UBE2O: variants seen among roughly 807,000 people sequenced by gnomAD.
UBE2O encodes (E3-independent) E2 ubiquitin-conjugating enzyme.
In UBE2O, 15 loss-of-function variants were observed where a neutral mutation model predicts 125.8. The observed-to-expected ratio is 0.12, with a 90% CI of 0.08 to 0.18. The LOEUF (loss-of-function observed/expected upper bound fraction) is 0.18. UBE2O is among the 10% of genes least tolerant of loss of function. The pLI is 1.00. For synonymous variants in UBE2O, 708 were observed against 703.2 expected (o/e 1.01, Z -0.11); for missense variants, 1,280 against 1,723.6 (o/e 0.74, Z 4.56).
chr17:76,444,827 A>G (rs1400529071), intron 1 of UBE2O, among the ~76,000 whole-genome samples: 1 of 152,158 alleles, frequency 6.6e-6, no homozygotes, highest in East Asian at 1.9e-4. Flanking sequence ...TAAATAATAA[A>G]ACAGTCAGAG....
intron 1 of UBE2O, among the ~76,000 whole-genome samples, chr17:76,433,042 C>T (rs944486425): frequency 6.6e-6 from 1 of 152,088 alleles, no homozygotes; most frequent in Non-Finnish European, 1.5e-5. Context: ...AAATGCTAAA[C>T]ATAGATTTAC....
chr17:76,401,693 T>C (rs950302201), intron 5 of UBE2O: 4 of 171,708 alleles, frequency 2.3e-5, no homozygotes, highest in Admixed American at 1.8e-4. Flanking sequence ...CTGGCCAACA[T>C]GGTGAAACCT....
chr17:76,417,800 T>C (rs1237287373), intron 1 of UBE2O, among the ~76,000 whole-genome samples: 12 of 152,190 alleles, frequency 7.9e-5, no homozygotes, highest in Non-Finnish European at 1.6e-4. Flanking sequence ...TGTTTGATGC[T>C]GCATGGATGC....
chr17:76,398,316 G>A lies in UBE2O; in HGVS notation c.1964C>T (p.Thr655Ile). 1.2e-6 allele frequency: 2 copies of A among 1,614,182 alleles called. No homozygotes were observed. The highest frequency in any genetic ancestry group is 1.7e-6 in the Non-Finnish European group (2 of 1,180,030). Residue 655 changes from threonine (T) to isoleucine (I), a missense_variant, in exon 12 of 18, where the codon ACA (threonine) becomes ATA (isoleucine). Thr to Ile is a moderately conservative substitution (Grantham distance 89). This residue lies in a region of UBE2O where 210 missense variants were observed against 268.9 expected (regional missense o/e 0.78). Transcript: ENST00000319380. This position sits in a 1 kb window ranked among gnomAD's most constrained non-coding sequence, Gnocchi z 5.4. ...IADHPDFRFR[T>I]TDIVIRIGNT... ...GCCGATGCGGATGACGATGTCAGTT[G>A]TACGGAACCTAAAGTCAGGGTGGTC...
In UBE2O at chr17:76,400,879, T is replaced by C; in HGVS notation, c.894+132A>G. On this transcript the variant is annotated intron_variant, in intron 6 of 17. Coordinates refer to ENST00000319380, the MANE Select transcript of UBE2O (RefSeq NM_022066.4). The surrounding 1 kb of genome is among the most constrained non-coding windows in gnomAD (Gnocchi z 4.3). The stretch of plus-strand genomic sequence containing the variant: ...TGGGTTCCCTTTATCCCCAAAGCCC[T>C]TTGAGATCAACAGGGTCCAGATGCT... The C allele has an allele frequency of 8.6e-7, 1 of 1,157,642 alleles. No individual in the cohort carries two copies. Among genetic ancestry groups the C allele is most frequent in the Non-Finnish European group, 1.2e-6 (1 of 835,340 alleles). 71.7% of individuals were successfully genotyped at this position (1,157,642 alleles called of 1,614,324 possible).
chr17:76,416,058 C>G (rs962557755), intron 1 of UBE2O, among the ~76,000 whole-genome samples: 4 of 151,382 alleles, frequency 2.6e-5, no homozygotes, highest in African/African-American at 9.7e-5. Flanking sequence ...TATGTACATA[C>G]ACGTATATAC....
In UBE2O at chr17:76,405,501, C is replaced by T. The variant is rs1217955112; in HGVS notation, c.477+12G>A. On this transcript the variant is annotated intron_variant, in intron 2 of 17. Transcript: ENST00000319380. This position sits in a 1 kb window ranked among gnomAD's most constrained non-coding sequence, Gnocchi z 6.1. ...CCCAGGCCCGGGGCTGGGGTGGGGA[C>T]GCAGGACTCACGGTGGATCGCATGT... The T allele has an allele frequency of 5.6e-6, 9 of 1,594,690 alleles. No homozygotes were observed. The highest frequency in any genetic ancestry group is 4.6e-5 in the South Asian group (4 of 87,700).
chr17:76,409,755 C>T (rs1020647671), intron 1 of UBE2O, among the ~76,000 whole-genome samples: 3 of 152,202 alleles, frequency 2.0e-5, no homozygotes, highest in African/African-American at 7.2e-5. Context: ...AACCCAGGAC[C>T]GACATCCTCT....
chr17:76,450,203 T>C (rs80111125), intron 1 of UBE2O, among the ~76,000 whole-genome samples: 2,409 of 152,194 alleles, frequency 0.016, 38 homozygotes, highest in Non-Finnish European at 0.023. Context: ...ATCACCTTGA[T>C]GGAATTCATA....
chr17:76,400,358 T>A lies in UBE2O; in HGVS notation c.1005-61A>T, dbSNP rs1394018359. The A allele has an allele frequency of 1.3e-6, 2 of 1,598,588 alleles. No homozygotes were observed. The highest frequency in any genetic ancestry group is 1.7e-6 in the Non-Finnish European group (2 of 1,170,198). ...ACTCCTGGGAGGCCAGCAGTGTTCT[T>A]AAGCCTCCCCAGGCATGTGACCAGG... On this transcript the variant is annotated intron_variant, in intron 7 of 17. Coordinates refer to ENST00000319380, the MANE Select transcript of UBE2O (RefSeq NM_022066.4). The surrounding 1 kb of genome is among the most constrained non-coding windows in gnomAD (Gnocchi z 4.3).
intron 1 of UBE2O, among the ~76,000 whole-genome samples, chr17:76,422,700 G>A (rs1478173875): frequency 6.6e-6 from 1 of 152,226 alleles, no homozygotes; most frequent in Non-Finnish European, 1.5e-5. Flanking sequence ...CACCTCCTCA[G>A]AAGGGCTTCT....
intron 1 of UBE2O, among the ~76,000 whole-genome samples, chr17:76,422,060 G>C (rs1453146216): frequency 3.9e-5 from 6 of 152,242 alleles, no homozygotes; most frequent in Middle Eastern, 3.2e-3. Context: ...CCAAGCCACA[G>C]GAGGGTCAGG....
Position 76,423,709 on chromosome 17 carries a change from T to TAAATAAATAAAC in UBE2O, c.418-18138_418-18137insGTTTATTTATTT, listed in dbSNP as rs1383083689. On this transcript the variant is annotated intron_variant, in intron 1 of 17. Transcript: ENST00000319380. ...CTCCATCTCAAAATAAATAAATAAA[T>TAAATAAATAAAC]AAATAAATAAATAAATAAAAAATAA... is the stretch of plus-strand genomic sequence containing the variant. Among the ~76,000 whole-genome samples, 9 of 148,970 alleles carry TAAATAAATAAAC rather than the reference T, an allele frequency of 6.0e-5. No homozygotes were observed. The East Asian group carries it at 1.8e-3, about 29-fold the overall frequency.
At position 76,399,772 on chromosome 17, in the gene UBE2O, C is replaced by T. The variant is rs768340000; in HGVS notation, c.1305G>A (p.Thr435=). ...SEAESASPEE[T]PDGSASPVEM... is the part of the protein sequence containing the mutation. ...CCACTGGACTGGCAGAGCCATCGGGCGTCTCCTCAGGGCTGGCAGACTCCG... is the reference window on the plus strand; with the variant it reads ...CCACTGGACTGGCAGAGCCATCGGGTGTCTCCTCAGGGCTGGCAGACTCCG... Residue 435 remains threonine (T), a synonymous_variant, in exon 9 of 18, where the codon ACG becomes ACA. Coordinates refer to ENST00000319380, the MANE Select transcript of UBE2O (RefSeq NM_022066.4). The surrounding 1 kb of genome is among the most constrained non-coding windows in gnomAD (Gnocchi z 6.9). 1.1e-5 allele frequency: 18 copies of T among 1,614,102 alleles called. No individual in the cohort carries two copies. Among genetic ancestry groups the T allele is most frequent in the South Asian group, 4.4e-5 (4 of 91,088 alleles).
At chr17:76,423,918 T>TTTTTG (rs2072754865) in intron 1 of UBE2O, among the ~76,000 whole-genome samples, 1 of 142,998 alleles carries the variant, frequency 7.0e-6, no homozygotes. Context: ...TTTTTTTTTT[T>TTTTTG]TGAGACGGAG....
intron 1 of UBE2O, among the ~76,000 whole-genome samples, chr17:76,425,225 C>CAAAAAAAAAAAAAAAAAAAAAAAAA (rs58377572): frequency 1.1e-5 from 1 of 95,082 alleles, no homozygotes; most frequent in Non-Finnish European, 2.3e-5. Flanking sequence ...GTCCTTTCGA[C>CAAAAAAAAAAAAAAAAAAAAAAAAA]AAAAAAAAAA....
intron 1 of UBE2O, among the ~76,000 whole-genome samples, chr17:76,449,128 C>G (rs2073194737): frequency 6.6e-6 from 1 of 152,264 alleles, no homozygotes; most frequent in Admixed American, 6.5e-5. Flanking sequence ...ACATGACTTG[C>G]TGCCCAGTCT....
chr17:76,417,667 C>T (rs1352880944), intron 1 of UBE2O, among the ~76,000 whole-genome samples: 1 of 151,578 alleles, frequency 6.6e-6, no homozygotes, highest in Non-Finnish European at 1.5e-5. Flanking sequence ...TCACTAAAAC[C>T]ACCTGGCAGA....
chr17:76,419,687 TCA>T (rs1374767093), intron 1 of UBE2O, among the ~76,000 whole-genome samples: 5 of 152,166 alleles, frequency 3.3e-5, no homozygotes, highest in African/African-American at 9.7e-5. Context: ...CCAGTTGCTG[TCA>T]CAGTGGCAAA....
Sources: gnomAD v4.1 joint callset for allele counts (sites outside exome capture counted in the v4.1 genomes callset) on GRCh38, gnomAD v4.1.1 for gene constraint, gnomAD v4.1.1 regional missense constraint, Gnocchi (gnomAD v3.1) non-coding constraint, MANE v1.5 for transcripts, NCBI Gene and HGNC (gene_info 2026-07-23, HGNC 2026-07-21) for gene names.